The following TRAM2 variants were observed in gnomAD, a reference collection of about 807,000 sequenced individuals.
TRAM2 encodes translocation associated membrane protein 2.
In TRAM2, 12 loss-of-function variants were observed where a neutral mutation model predicts 51.0. The observed-to-expected ratio is 0.24, with a 90% confidence interval of 0.15 to 0.38. The LOEUF (loss-of-function observed/expected upper bound fraction) is 0.38, where lower values mean the gene tolerates loss of function less well. TRAM2 is among the 10% of genes least tolerant of loss of function. TRAM2 has a pLI of 1.00. For synonymous variants in TRAM2, 175 were observed against 179.4 expected, an observed-to-expected ratio of 0.98 and a Z score of 0.20; for missense variants, 361 against 462.0, an observed-to-expected ratio of 0.78 and a Z score of 2.00.
intron 1 of TRAM2, among the ~76,000 whole-genome samples, chr6:52,569,935 GA>G (rs1366849127): frequency 6.6e-6 from 1 of 152,138 alleles, no homozygotes; most frequent in Non-Finnish European, 1.5e-5. Context: ...CAGAGCTGTA[GA>G]AGACCACCAG....
intron 1 of TRAM2, among the ~76,000 whole-genome samples, chr6:52,570,800 C>G (rs112470650): frequency 1.5e-4 from 17 of 115,796 alleles, no homozygotes; most frequent in Non-Finnish European, 2.8e-4. Context: ...CCACCACCCC[C>G]CCCCCCACAC....
intron 8 of TRAM2, 90 bp from the exon 9 acceptor site, chr6:52,505,832 G>C: frequency 6.6e-7 from 1 of 1,508,746 alleles, no homozygotes; most frequent in Non-Finnish European, 8.9e-7. Flanking sequence ...CGAGTGGGAA[G>C]AGGATTCAAG....
chr6:52,511,375 C>T (rs765954353), intron 4 of TRAM2, among the ~76,000 whole-genome samples: 1 of 152,190 alleles, frequency 6.6e-6, no homozygotes, highest in African/African-American at 2.4e-5. Context: ...TGATTACAGG[C>T]GTGCACCATT....
intron 1 of TRAM2, among the ~76,000 whole-genome samples, chr6:52,538,897 G>C (rs546221768): frequency 1.8e-4 from 28 of 152,274 alleles, no homozygotes; most frequent in Admixed American, 5.2e-4. Context: ...CCTTGTTCCT[G>C]GGAGAAATAC....
At chr6:52,542,669 T>C (rs1414815097) in intron 1 of TRAM2, among the ~76,000 whole-genome samples, 1 of 152,226 alleles carries the variant, frequency 6.6e-6, no homozygotes, top group African/African-American at 2.4e-5. Context: ...CGATGTTGAA[T>C]AGACTCACTA....
chr6:52,538,744 T>C (rs72927122), intron 1 of TRAM2, among the ~76,000 whole-genome samples: 3,048 of 152,254 alleles, frequency 0.02, 37 homozygotes, highest in South Asian at 0.036. Context: ...ACTTTTGCAT[T>C]TTTTTTAAAG....
At chr6:52,553,631 C>T (rs918190036) in intron 1 of TRAM2, among the ~76,000 whole-genome samples, 3 of 152,206 alleles carry the variant, frequency 2.0e-5, no homozygotes, top group African/African-American at 4.8e-5. Flanking sequence ...ACTGCCTGTA[C>T]CTCTTTGTTG....
rs752268807 is a variant in TRAM2, at chr6:52,505,614, T to C, written c.860A>G (p.Asn287Ser). The change falls in exon 9 of 11, where the codon AAC (asparagine) becomes AGC (serine). Residue 287 changes from asparagine (N) to serine (S), a missense_variant. Transcript: ENST00000182527. Reference protein sequence around the residue: ...QAFDPEKGNFNTLFCRLCVLL... With the variant: ...QAFDPEKGNFSTLFCRLCVLL... ...CTCGACTCACCTGCAAAACAAAGTG[T>C]TGAAGTTCCCTTTCTCGGGATCAAA... The C allele has an allele frequency of 6.2e-7, 1 of 1,612,372 alleles. No homozygotes were observed. The highest frequency in any genetic ancestry group is 1.1e-5 in the South Asian group (1 of 90,828).
intron 2 of TRAM2, chr6:52,523,382 A>G (rs1766712506): frequency 6.5e-6 from 1 of 153,192 alleles, no homozygotes; most frequent in Non-Finnish European, 1.4e-5. Context: ...AAAATCGAGT[A>G]GAAATGAACA....
rs1439564487 is a variant in TRAM2, at chr6:52,576,826, C to G, written c.90G>C (p.Val30=). ...ACATAAGCCCGATGAGGACGCAGAG[C>G]ACCAGGCAGAAGCCGATGTCCGCAT... The part of the protein sequence containing the change: ...HNHADIGFCL[V]LCVLIGLMFE... Residue 30 remains valine, a synonymous_variant, in exon 1 of 11, where the codon GTG becomes GTC. Transcript: ENST00000182527. 6.2e-7 allele frequency: 1 copy of G among 1,613,792 alleles called. No homozygotes were observed. Among genetic ancestry groups the G allele is most frequent in the Non-Finnish European group, 8.5e-7 (1 of 1,179,808 alleles).
intron 2 of TRAM2, chr6:52,523,058 T>G (rs1208474835): frequency 1.8e-6 from 1 of 542,508 alleles, no homozygotes; most frequent in Non-Finnish European, 3.2e-6. Context: ...CCTAGAAGCT[T>G]CTTCTTTTGT....
At chr6:52,538,632 T>C (rs1767015978) in intron 1 of TRAM2, among the ~76,000 whole-genome samples, 1 of 152,204 alleles carries the variant, frequency 6.6e-6, no homozygotes, top group African/African-American at 2.4e-5. Flanking sequence ...TTCTAAAATC[T>C]CTGTGCCTGA....
chr6:52,507,597 A>G lies in TRAM2; in HGVS notation c.582T>C (p.Tyr194=). ...RKEEIPRQLQ[Y]ICLYLVHIAG... Reference sequence around the variant, plus strand: ...CTATATGCACCAGGTACAGGCAAATATACTGGAGCTGGCGGGGAATTTCCT... The same window carrying G: ...CTATATGCACCAGGTACAGGCAAATGTACTGGAGCTGGCGGGGAATTTCCT... Residue 194 remains tyrosine (Y), a synonymous_variant, in exon 7 of 11, where the codon TAT becomes TAC. Transcript: ENST00000182527. 6.2e-7 allele frequency: 1 copy of G among 1,614,216 alleles called. No homozygotes were observed. Among genetic ancestry groups the G allele is most frequent in the Non-Finnish European group, 8.5e-7 (1 of 1,180,034 alleles).
chr6:52,570,050 G>A (rs370811234), intron 1 of TRAM2, among the ~76,000 whole-genome samples: 28 of 152,188 alleles, frequency 1.8e-4, no homozygotes, highest in South Asian at 1.7e-3. Context: ...TTGTTTTTCT[G>A]TAAACACAGT....
chr6:52,535,121 C>T (rs1766956481), intron 2 of TRAM2, among the ~76,000 whole-genome samples: 1 of 152,194 alleles, frequency 6.6e-6, no homozygotes, highest in African/African-American at 2.4e-5. Flanking sequence ...CAACATCCTG[C>T]CCATTCTCCT....
In TRAM2 at chr6:52,538,420, T is replaced by C. The variant is rs1300152811; in HGVS notation, c.121-2574A>G. ...ACGGGGGATGGGAGGATGGAGGGGA[T>C]AGACCCTCTCCTCAGGGCAGGAGCT... On this transcript the variant is annotated intron_variant, in intron 1 of 10. Transcript: ENST00000182527. Among the ~76,000 whole-genome samples, 5 of 152,112 alleles carry C rather than the reference T, an allele frequency of 3.3e-5. No homozygotes were observed. In the East Asian group the frequency reaches 9.6e-4, roughly 29 times the overall value.
At chr6:52,571,069 T>TC (rs149956419) in intron 1 of TRAM2, among the ~76,000 whole-genome samples, 2 of 151,276 alleles carry the variant, frequency 1.3e-5, no homozygotes, top group Admixed American at 6.6e-5. Context: ...TTTTACTGTT[T>TC]CCCCCCCACC....
intron 4 of TRAM2, among the ~76,000 whole-genome samples, chr6:52,510,059 A>G (rs1766425345): frequency 6.6e-6 from 1 of 151,994 alleles, no homozygotes; most frequent in African/African-American, 2.4e-5. Context: ...TAGAATCACC[A>G]CTCGCTGGAA....
intron 2 of TRAM2, chr6:52,517,305 T>C (rs6902029): frequency 0.04 from 6,168 of 153,196 alleles, 383 homozygotes; most frequent in African/African-American, 0.13. Flanking sequence ...ATTTCCTGCA[T>C]AGTAAGTTTA....
Sources: allele counts gnomAD v4.1 joint callset (sites outside exome capture counted in the v4.1 genomes callset), GRCh38; gene constraint gnomAD v4.1.1; transcripts MANE v1.5; gene names NCBI Gene and HGNC (gene_info 2026-07-23, HGNC 2026-07-21).